SDCCAG8: variants seen among roughly 807,000 people sequenced by gnomAD.
The protein encoded by SDCCAG8 is serologically defined colon cancer antigen 8.
Under a neutral mutation model 101.8 loss-of-function variants are expected in SDCCAG8, and 74 were observed. The ratio of observed to expected loss-of-function variants is 0.73; its 90% confidence interval spans 0.60 to 0.88. The LOEUF (loss-of-function observed/expected upper bound fraction) is 0.88. Ranked by LOEUF, SDCCAG8 falls within the 40% of genes least tolerant of loss-of-function variation. The pLI, the probability that SDCCAG8 is intolerant of heterozygous loss-of-function variation, is 0.00. For synonymous variants in SDCCAG8, 281 were observed against 292.9 expected, an observed-to-expected ratio of 0.96 and a Z score of 0.41; for missense variants, 787 against 822.6, an observed-to-expected ratio of 0.96 and a Z score of 0.53.
intron 17 of SDCCAG8, among the ~76,000 whole-genome samples, chr1:243,496,507 G>A (rs541667601): frequency 6.6e-6 from 1 of 152,340 alleles, no homozygotes; most frequent in South Asian, 2.1e-4. Flanking sequence ...TTTTGACTTG[G>A]CCAAACAGAG....
At chr1:243,386,367 C>G (rs1327257137) in intron 13 of SDCCAG8, among the ~76,000 whole-genome samples, 1 of 152,162 alleles carries the variant, frequency 6.6e-6, no homozygotes, top group Non-Finnish European at 1.5e-5. Context: ...AAAAAGACAA[C>G]TTAGAAAATC....
At chr1:243,392,109 T>C (rs1286672653) in intron 13 of SDCCAG8, among the ~76,000 whole-genome samples, 1 of 152,242 alleles carries the variant, frequency 6.6e-6, no homozygotes, top group Non-Finnish European at 1.5e-5. Context: ...TATGAGGATA[T>C]ATATGAGTAT....
chr1:243,411,157 AGGCT>A (rs1306395089), intron 13 of SDCCAG8, among the ~76,000 whole-genome samples: 1 of 152,026 alleles, frequency 6.6e-6, no homozygotes, highest in Non-Finnish European at 1.5e-5. Context: ...TCTGTCGCCC[AGGCT>A]GGAGTGCAGT....
At chr1:243,428,821 G>A (rs960145206) in intron 16 of SDCCAG8, among the ~76,000 whole-genome samples, 6 of 152,196 alleles carry the variant, frequency 3.9e-5, no homozygotes, top group East Asian at 1.9e-4. Flanking sequence ...CTGTACTACC[G>A]TGATAATTTT....
chr1:243,459,310 G>C (rs1333548431), intron 16 of SDCCAG8, among the ~76,000 whole-genome samples: 1 of 152,166 alleles, frequency 6.6e-6, no homozygotes, highest in Non-Finnish European at 1.5e-5. Flanking sequence ...AGGTTTGCCT[G>C]ACTCGAAAGC....
chr1:243,294,506 C>CGAGCGAGAGAGAGAGAGAGAGAGAGAGA (rs2070634268), intron 6 of SDCCAG8, among the ~76,000 whole-genome samples: 3 of 105,884 alleles, frequency 2.8e-5, no homozygotes, highest in Admixed American at 1.2e-4. Flanking sequence ...AGAGAAAGAG[C>CGAGCGAGAGAGAGAGAGAGAGAGAGAGA]GAGAGAGAGA....
chr1:243,443,374 C>T (rs964234016), intron 16 of SDCCAG8, among the ~76,000 whole-genome samples: 2 of 152,214 alleles, frequency 1.3e-5, no homozygotes, highest in African/African-American at 2.4e-5. Flanking sequence ...GTTTATGATA[C>T]ACCAGGTGGT....
intron 10 of SDCCAG8, among the ~76,000 whole-genome samples, chr1:243,333,946 A>G (rs542352956): frequency 6.6e-6 from 1 of 152,300 alleles, no homozygotes; most frequent in Non-Finnish European, 1.5e-5. Flanking sequence ...CTAAAGCTTC[A>G]AGACTAAAGC....
chr1:243,378,151 T>C (rs2077710728), intron 12 of SDCCAG8, among the ~76,000 whole-genome samples: 1 of 151,888 alleles, frequency 6.6e-6, no homozygotes, highest in South Asian at 2.1e-4. Flanking sequence ...TCTCATACAC[T>C]CTCAATGCTT....
intron 10 of SDCCAG8, among the ~76,000 whole-genome samples, chr1:243,331,225 C>G (rs1458451573): frequency 6.6e-6 from 1 of 152,130 alleles, no homozygotes; most frequent in East Asian, 1.9e-4. Flanking sequence ...GCAAAAGGAA[C>G]AGATAACATG....
At chr1:243,492,604 G>GTTTTTTTTT (rs74162289) in intron 17 of SDCCAG8, among the ~76,000 whole-genome samples, 8 of 58,876 alleles carry the variant, frequency 1.4e-4, no homozygotes, top group African/African-American at 4.2e-4. Flanking sequence ...GCGCCCAGCT[G>GTTTTTTTTT]TTTTTTTTTT....
chr1:243,343,755 T>A (rs116819263), intron 11 of SDCCAG8, among the ~76,000 whole-genome samples: 115 of 152,320 alleles, frequency 7.5e-4, no homozygotes, highest in African/African-American at 2.6e-3. Flanking sequence ...CAGACAAAAA[T>A]TCCTTTATAC....
rs144291611 is a variant in SDCCAG8 at position 243,477,899 on chromosome 1, G to A, written c.1986-11115G>A. On this transcript the variant is annotated intron_variant, in intron 16 of 17. Coordinates refer to ENST00000366541, the MANE Select transcript of SDCCAG8 (RefSeq NM_006642.5). ...AGAGTACGGTCCTCAAACTGTTACTGGTCTGGGATGAGGCAAGAACTGAAA... is the reference window on the plus strand; with the variant it reads ...AGAGTACGGTCCTCAAACTGTTACTAGTCTGGGATGAGGCAAGAACTGAAA... 3.2e-3 allele frequency among the ~76,000 whole-genome samples: 482 copies of A among 152,284 alleles called. 1 individual carries two copies. Among genetic ancestry groups the A allele is most frequent in the African/African-American group, 0.011 (452 of 41,548 alleles).
At chr1:243,366,011 G>C (rs1227616189) in intron 12 of SDCCAG8, among the ~76,000 whole-genome samples, 2 of 152,034 alleles carry the variant, frequency 1.3e-5, no homozygotes, top group Non-Finnish European at 2.9e-5. Flanking sequence ...TTAGGATTAT[G>C]AATGGCATCC....
intron 4 of SDCCAG8, among the ~76,000 whole-genome samples, chr1:243,283,331 A>C (rs1015252134): frequency 6.6e-6 from 1 of 150,376 alleles, no homozygotes; most frequent in Non-Finnish European, 1.5e-5. Flanking sequence ...TAATTCAGGA[A>C]ATTTTTCAGT....
intron 13 of SDCCAG8, among the ~76,000 whole-genome samples, chr1:243,405,758 A>G (rs1258461673): frequency 1.3e-5 from 2 of 152,116 alleles, no homozygotes; most frequent in East Asian, 3.8e-4. Context: ...TAGATAAATA[A>G]TGCATGCATT....
chr1:243,421,575 C>T (rs1470175900), intron 15 of SDCCAG8, among the ~76,000 whole-genome samples: 1 of 152,196 alleles, frequency 6.6e-6, no homozygotes, highest in East Asian at 1.9e-4. Flanking sequence ...CTGTGTACTC[C>T]ACACTGCACG....
chr1:243,295,420 T>G (rs2070773115), intron 6 of SDCCAG8, among the ~76,000 whole-genome samples: 1 of 152,118 alleles, frequency 6.6e-6, no homozygotes, highest in South Asian at 2.1e-4. Context: ...GTATTTTTAG[T>G]AGAGACGGGG....
intron 12 of SDCCAG8, among the ~76,000 whole-genome samples, chr1:243,378,138 A>G (rs1295691431): frequency 6.6e-6 from 1 of 151,750 alleles, no homozygotes; most frequent in Admixed American, 6.6e-5. Flanking sequence ...TTTAGCTCAG[A>G]AATCTCATAC....
Sources: allele counts gnomAD v4.1 joint callset (sites outside exome capture counted in the v4.1 genomes callset), GRCh38; gene constraint gnomAD v4.1.1; transcripts MANE v1.5; gene names NCBI Gene and HGNC (gene_info 2026-07-23, HGNC 2026-07-21).